ANKRD6: variants seen among roughly 807,000 people sequenced by gnomAD.
The protein encoded by ANKRD6 is ankyrin repeat domain-containing protein 6.
ANKRD6 carries 56 observed loss-of-function variants against 82.3 expected under a neutral mutation model. That is an observed-to-expected ratio of 0.68 (90% CI 0.55 to 0.85). The LOEUF (loss-of-function observed/expected upper bound fraction) is 0.85, where lower values mean the gene tolerates loss of function less well. Ranked by LOEUF, ANKRD6 falls within the 40% of genes least tolerant of loss-of-function variation. The pLI, the probability that ANKRD6 is intolerant of heterozygous loss-of-function variation, is 0.00. For synonymous variants in ANKRD6, 347 were observed against 352.1 expected (o/e 0.99, Z 0.16); for missense variants, 852 against 907.6 (o/e 0.94, Z 0.79).
intron 1 of ANKRD6, among the ~76,000 whole-genome samples, chr6:89,537,879 C>CAAAAA (rs55864526): frequency 6.6e-4 from 73 of 110,548 alleles, no homozygotes; most frequent in East Asian, 2.1e-3. Context: ...GACAATGTCT[C>CAAAAA]AAAAAAAAAA....
intron 3 of ANKRD6, chr6:89,602,036 G>A (rs1292025206): frequency 6.6e-6 from 1 of 152,166 alleles, no homozygotes; most frequent in Non-Finnish European, 1.5e-5. Context: ...ATCATCCAGG[G>A]TGACACACCT....
At chr6:89,559,953 A>G (rs1787156514) in intron 1 of ANKRD6, among the ~76,000 whole-genome samples, 1 of 152,194 alleles carries the variant, frequency 6.6e-6, no homozygotes, top group African/African-American at 2.4e-5. Context: ...CTGAAGACCA[A>G]TTGATGACTA....
intron 1 of ANKRD6, among the ~76,000 whole-genome samples, chr6:89,534,536 G>C (rs1274290904): frequency 1.3e-5 from 2 of 152,082 alleles, no homozygotes; most frequent in Non-Finnish European, 2.9e-5. Context: ...TTTGTGGATA[G>C]GGTGATCATT....
chr6:89,457,300 G>T (rs1311215778), intron 1 of ANKRD6, among the ~76,000 whole-genome samples: 1 of 152,212 alleles, frequency 6.6e-6, no homozygotes, highest in East Asian at 1.9e-4. Flanking sequence ...CTTCACAAGG[G>T]TGTTAATTAT....
chr6:89,617,857 T>C, intron 8 of ANKRD6, 97 bp from the exon 9 acceptor site: 3 of 1,171,088 alleles, frequency 2.6e-6, no homozygotes, highest in Non-Finnish European at 3.8e-6. Context: ...TGACTGGGTG[T>C]GGAACTGCCT....
intron 1 of ANKRD6, among the ~76,000 whole-genome samples, chr6:89,465,855 C>A (rs760270903): frequency 2.6e-5 from 4 of 151,398 alleles, no homozygotes; most frequent in Non-Finnish European, 4.4e-5. Context: ...AGAGTGAGAC[C>A]CTATCTCAAA....
At chr6:89,610,096 A>T (rs1163821199) in intron 5 of ANKRD6, among the ~76,000 whole-genome samples, 1 of 152,198 alleles carries the variant, frequency 6.6e-6, no homozygotes. Context: ...CGCCTGCTAC[A>T]TATATATCTA....
At chr6:89,460,972 C>T (rs1418033318) in intron 1 of ANKRD6, among the ~76,000 whole-genome samples, 5 of 142,630 alleles carry the variant, frequency 3.5e-5, no homozygotes, top group African/African-American at 1.3e-4. Flanking sequence ...CTGTTCACAG[C>T]TCACTGCAAC....
intron 3 of ANKRD6, among the ~76,000 whole-genome samples, chr6:89,598,974 A>G (rs938577213): frequency 2.0e-5 from 3 of 152,158 alleles, no homozygotes; most frequent in African/African-American, 7.2e-5. Context: ...GAGCCTTGAC[A>G]ATTTGATTTC....
chr6:89,435,910 C>A (rs1770582072), intron 1 of ANKRD6, among the ~76,000 whole-genome samples: 1 of 152,132 alleles, frequency 6.6e-6, no homozygotes, highest in African/African-American at 2.4e-5. Flanking sequence ...TGTTTTATTT[C>A]TTCAAGGTCA....
At chr6:89,610,138 G>A (rs1027990306) in intron 5 of ANKRD6, among the ~76,000 whole-genome samples, 3 of 152,176 alleles carry the variant, frequency 2.0e-5, no homozygotes, top group African/African-American at 7.2e-5. Flanking sequence ...GTCAGGTTTT[G>A]AGATATAGGT....
intron 1 of ANKRD6, among the ~76,000 whole-genome samples, chr6:89,460,736 C>CT (rs918731758): frequency 1.2e-4 from 18 of 151,424 alleles, no homozygotes; most frequent in Admixed American, 6.6e-4. Context: ...AGCCAATTTT[C>CT]TTTTTTTTAA....
intron 5 of ANKRD6, among the ~76,000 whole-genome samples, chr6:89,608,931 G>A (rs2128205815): frequency 6.6e-6 from 1 of 152,230 alleles, no homozygotes; most frequent in South Asian, 2.1e-4. Flanking sequence ...AGCCTCTGCT[G>A]GCCCACCTCT....
chr6:89,441,721 C>T (rs1458553487), intron 1 of ANKRD6, among the ~76,000 whole-genome samples: 1 of 150,738 alleles, frequency 6.6e-6, no homozygotes, highest in Non-Finnish European at 1.5e-5. Context: ...CAACCTCCGC[C>T]TCCTGGGTTT....
At chr6:89,606,656 G>T (rs1798688185) in intron 5 of ANKRD6, among the ~76,000 whole-genome samples, 1 of 152,176 alleles carries the variant, frequency 6.6e-6, no homozygotes, top group Admixed American at 6.5e-5. Context: ...AAGGGTTTGA[G>T]ACCAGCCTGG....
At chr6:89,527,256 T>G (rs1168117840) in intron 1 of ANKRD6, among the ~76,000 whole-genome samples, 1 of 152,148 alleles carries the variant, frequency 6.6e-6, no homozygotes, top group Non-Finnish European at 1.5e-5. Context: ...CCAGTAAGTA[T>G]GCAAAAGGAT....
chr6:89,510,157 C>T (rs1780359171), intron 1 of ANKRD6, among the ~76,000 whole-genome samples: 1 of 152,208 alleles, frequency 6.6e-6, no homozygotes, highest in African/African-American at 2.4e-5. Flanking sequence ...GGTGGTTGCT[C>T]TGTCAGTCTG....
chr6:89,464,690 G>A (rs548268146), intron 1 of ANKRD6, among the ~76,000 whole-genome samples: 1 of 152,108 alleles, frequency 6.6e-6, no homozygotes, highest in African/African-American at 2.4e-5. Flanking sequence ...TTTCTATTTG[G>A]AAGTAAAATG....
intron 1 of ANKRD6, among the ~76,000 whole-genome samples, chr6:89,532,014 G>T (rs1449090486): frequency 6.6e-6 from 1 of 152,196 alleles, no homozygotes; most frequent in African/African-American, 2.4e-5. Context: ...ACGAGGAAGA[G>T]CCAATGTTGC....
Sources: allele counts gnomAD v4.1 joint callset (sites outside exome capture counted in the v4.1 genomes callset), GRCh38; gene constraint gnomAD v4.1.1; transcripts MANE v1.5; gene names NCBI Gene and HGNC (gene_info 2026-07-23, HGNC 2026-07-21).